CTNND1: variants seen among roughly 807,000 people sequenced by gnomAD.
CTNND1 encodes the protein catenin delta 1, also known as catenin delta-1.
In CTNND1, 16 loss-of-function variants were observed where a neutral mutation model predicts 112.1. The observed-to-expected ratio is 0.14, with a 90% CI of 0.10 to 0.22. CTNND1 has a LOEUF of 0.22. Among genes scored for constraint, CTNND1 ranks in the 10% least tolerant of loss-of-function variants. The probability of loss-of-function intolerance (pLI) is 1.00; values close to 1 mark genes in which losing one functional copy is unlikely to be tolerated. For missense variants in CTNND1, 1,008 were observed against 1,257.0 expected (o/e 0.80, Z 3.00); for synonymous variants, 420 against 446.5 (o/e 0.94, Z 0.75).
At position 57,801,909 on chromosome 11, in the gene CTNND1, G is replaced by A. The variant is rs762821830; in HGVS notation, c.1133G>A (p.Arg378His). Residue 378 changes from arginine (R) to histidine (H), a missense_variant, in exon 7 of 21, where the codon CGC (arginine) becomes CAC (histidine). Arg to His is a conservative substitution (Grantham distance 29). Coordinates refer to ENST00000399050, the MANE Select transcript of CTNND1 (RefSeq NM_001085458.2). ...LPEVIAMLGF[R>H]LDAVKSNAAA... ...GAGGTGATCGCCATGCTTGGATTCCGCTTGGATGCTGTCAAGTCCAATGCA... is the reference window on the plus strand; with the variant it reads ...GAGGTGATCGCCATGCTTGGATTCCACTTGGATGCTGTCAAGTCCAATGCA... 21 of 1,613,890 alleles carry A rather than the reference G, an allele frequency of 1.3e-5. No homozygotes were observed. Among genetic ancestry groups the A allele is most frequent in the African/African-American group, 5.3e-5 (4 of 74,916 alleles).
At chr11:57,815,592 A>G (rs748739362) in intron 19 of CTNND1, 92 bp downstream of exon 19, 2 of 1,099,444 alleles carry the variant, frequency 1.8e-6, no homozygotes, top group Non-Finnish European at 2.8e-6. Flanking sequence ...GTACAGAGAA[A>G]GATCGCATCC....
intron 12 of CTNND1, 123 bp downstream of exon 12, chr11:57,807,106 T>G: frequency 1.2e-6 from 1 of 806,696 alleles, no homozygotes. Context: ...CTTACAGATT[T>G]GAAATGATTG....
rs1445457544 is a variant in CTNND1, at chr11:57,818,995, G to A, written c.*2687G>A. 2 of 152,134 alleles carry A rather than the reference G, an allele frequency of 1.3e-5. No homozygotes were observed. The highest frequency in any genetic ancestry group is 4.8e-5 in the African/African-American group (2 of 41,420). 9.4% of individuals were successfully genotyped at this position (152,134 alleles called of 1,614,324 possible). A position where few individuals can be genotyped will look rare whatever the true frequency, so the allele number is the denominator to read the frequency against. ...TAGGCCTATTTATTAATATTTTACA[G>A]ACCATATTACCTGGATTACCAGGGA... is the stretch of plus-strand genomic sequence containing the variant. On this transcript the variant is annotated 3_prime_UTR_variant, in exon 21 of 21. Transcript: ENST00000399050.
rs1478202827 is a variant in CTNND1, at chr11:57,791,638, C to G, written c.160C>G (p.Leu54Val). ...GGTCTCACCACAAGATGCCAACCCA[C>G]TCATGGCCAACGGCACACTCACCCG... ...VRVSPQDANP[L>V]MANGTLTRRH... The change falls in exon 3 of 21, where the codon CTC becomes GTC. Residue 54 changes from leucine to valine, a missense_variant. Leu to Val is a conservative substitution (Grantham distance 32). Transcript: ENST00000399050. 1.3e-6 allele frequency: 2 copies of G among 1,593,212 alleles called. No homozygotes were observed. Among genetic ancestry groups the G allele is most frequent in the Non-Finnish European group, 1.7e-6 (2 of 1,167,628 alleles).
At chr11:57,801,060 A>G (rs1246402414) in intron 6 of CTNND1, among the ~76,000 whole-genome samples, 4 of 152,234 alleles carry the variant, frequency 2.6e-5, no homozygotes, top group Non-Finnish European at 5.9e-5. Context: ...ACATTTGTTG[A>G]GTAGCAGACA....
chr11:57,789,345 A>G (rs1160987387), intron 2 of CTNND1, among the ~76,000 whole-genome samples, 190 bp downstream of exon 2: 1 of 152,162 alleles, frequency 6.6e-6, no homozygotes, highest in African/African-American at 2.4e-5. Flanking sequence ...TATATTTTGG[A>G]CTGGCATAAA....
intron 1 of CTNND1, chr11:57,763,892 T>G (rs1950443426): frequency 6.6e-6 from 1 of 152,198 alleles, no homozygotes; most frequent in South Asian, 2.1e-4. Context: ...TAGTGGGCTT[T>G]GTGTAGCTGA....
Position 57,815,461 on chromosome 11 carries a change from A to G in CTNND1, c.2769A>G (p.Leu923=). The change falls in exon 19 of 21, where the codon CTA becomes CTG. Residue 923 remains leucine (L), a synonymous_variant. Transcript: ENST00000399050. ...HNRTLDRSGD[L]GDMEPLKGTT... The stretch of plus-strand genomic sequence containing the variant: ...GAACACTGGATCGATCGGGGGATCT[A>G]GGCGACATGGAGCCATTGAAGGGAA... 1 of 1,612,804 alleles carries G rather than the reference A, an allele frequency of 6.2e-7. No homozygotes were observed. The highest frequency in any genetic ancestry group is 1.1e-5 in the South Asian group (1 of 90,786).
At chr11:57,783,728 T>A (rs1291919841) in intron 1 of CTNND1, among the ~76,000 whole-genome samples, 1 of 151,612 alleles carries the variant, frequency 6.6e-6, no homozygotes, top group Non-Finnish European at 1.5e-5. Flanking sequence ...AAATGGCAAG[T>A]TTGTTTGTGG....
At chr11:57,810,301 C>A in intron 16 of CTNND1, 78 bp downstream of exon 16, 3 of 1,077,718 alleles carry the variant, frequency 2.8e-6, no homozygotes, top group Non-Finnish European at 4.0e-6. Flanking sequence ...TCTTTCGTTT[C>A]TTCCATTTCA....
At chr11:57,798,593 C>T (rs945278714) in intron 6 of CTNND1, among the ~76,000 whole-genome samples, 1 of 152,132 alleles carries the variant, frequency 6.6e-6, no homozygotes, top group African/African-American at 2.4e-5. Context: ...ATTAGCAACA[C>T]TCTGAAAGGT....
intron 2 of CTNND1, 25 bp from the exon 3 acceptor site, chr11:57,791,360 C>T: frequency 7.4e-7 from 1 of 1,343,058 alleles, no homozygotes; most frequent in South Asian, 1.9e-5. Context: ...CCTTTTCTCT[C>T]CTTTCTCTTA....
intron 16 of CTNND1, among the ~76,000 whole-genome samples, 175 bp from the exon 17 acceptor site, chr11:57,811,224 T>C (rs1591669545): frequency 6.6e-6 from 1 of 152,310 alleles, no homozygotes; most frequent in African/African-American, 2.4e-5. Context: ...GGAACACAAA[T>C]AGAAGCCATA....
chr11:57,783,503 CAA>C (rs1565304851), intron 1 of CTNND1, among the ~76,000 whole-genome samples: 1 of 151,474 alleles, frequency 6.6e-6, no homozygotes, highest in East Asian at 2.0e-4. Context: ...ACTAAAAATA[CAA>C]AAAATTAGCC....
intron 1 of CTNND1, among the ~76,000 whole-genome samples, chr11:57,780,440 T>C (rs1373512989): frequency 6.6e-6 from 1 of 152,192 alleles, no homozygotes; most frequent in Non-Finnish European, 1.5e-5. Context: ...TGGAATAAAA[T>C]AGGAGTTTTC....
chr11:57,809,565 C>A, intron 15 of CTNND1, 99 bp downstream of exon 15: 1 of 1,043,184 alleles, frequency 9.6e-7, no homozygotes, highest in Non-Finnish European at 1.4e-6. Flanking sequence ...CCCTTATTTA[C>A]GTGTAATGTG....
intron 1 of CTNND1, among the ~76,000 whole-genome samples, chr11:57,773,010 T>C (rs191000840): frequency 6.6e-6 from 1 of 152,354 alleles, no homozygotes; most frequent in South Asian, 2.1e-4. Context: ...ACTTTTTTTC[T>C]TCCCATCTCC....
At chr11:57,784,573 G>A (rs192023612) in intron 1 of CTNND1, among the ~76,000 whole-genome samples, 4 of 152,028 alleles carry the variant, frequency 2.6e-5, no homozygotes, top group African/African-American at 7.2e-5. Context: ...GCACAATCTC[G>A]GCACACTGAA....
intron 3 of CTNND1, among the ~76,000 whole-genome samples, chr11:57,792,640 C>T (rs2060888842): frequency 6.6e-6 from 1 of 152,168 alleles, no homozygotes; most frequent in Non-Finnish European, 1.5e-5. Flanking sequence ...AAGCAATTCT[C>T]CTGCCTCAGC....
Sources: allele counts gnomAD v4.1 joint callset (sites outside exome capture counted in the v4.1 genomes callset), GRCh38; gene constraint gnomAD v4.1.1; transcripts MANE v1.5; gene names NCBI Gene and HGNC (gene_info 2026-07-23, HGNC 2026-07-21).